The following SYN3 variants were observed in gnomAD, a reference collection of about 807,000 sequenced individuals.
The protein encoded by SYN3 is synapsin III, also known as synapsin-3.
Under a neutral mutation model 65.8 loss-of-function variants are expected in SYN3, and 35 were observed. The ratio of observed to expected loss-of-function variants is 0.53; its 90% CI spans 0.41 to 0.70. The LOEUF (loss-of-function observed/expected upper bound fraction) is 0.70. SYN3 is among the 30% of genes least tolerant of loss of function. The pLI is 0.00. For missense variants in SYN3, 680 were observed against 749.0 expected (o/e 0.91, Z 1.08); for synonymous variants, 270 against 292.9 (o/e 0.92, Z 0.80).
intron 1 of SYN3, among the ~76,000 whole-genome samples, chr22:33,052,585 A>G (rs1403916397): frequency 6.8e-6 from 1 of 146,068 alleles, no homozygotes; most frequent in Non-Finnish European, 1.5e-5. Context: ...AAGAGGAACA[A>G]AAAAAAAAAA....
intron 6 of SYN3, among the ~76,000 whole-genome samples, chr22:32,730,354 T>A (rs778423232): frequency 4.6e-5 from 7 of 152,252 alleles, no homozygotes; most frequent in Non-Finnish European, 1.0e-4. Context: ...AGCAGCCACC[T>A]GGGTAAGCTC....
intron 6 of SYN3, among the ~76,000 whole-genome samples, chr22:32,769,795 G>A (rs187082742): frequency 1.3e-5 from 2 of 152,200 alleles, no homozygotes; most frequent in Non-Finnish European, 2.9e-5. Context: ...GGGATTACAG[G>A]CATGAGCAAC....
At chr22:32,781,183 C>A (rs2046054415) in intron 6 of SYN3, among the ~76,000 whole-genome samples, 1 of 151,776 alleles carries the variant, frequency 6.6e-6, no homozygotes, top group Non-Finnish European at 1.5e-5. Flanking sequence ...CTGCAAGGCT[C>A]AATAGCTCGT....
chr22:32,788,003 C>A (rs1043358004), intron 6 of SYN3, among the ~76,000 whole-genome samples: 4 of 152,132 alleles, frequency 2.6e-5, no homozygotes, highest in African/African-American at 9.7e-5. Context: ...ACATGGACAG[C>A]CACAGCAGGG....
chr22:32,571,744 C>T (rs2058761831), intron 7 of SYN3, among the ~76,000 whole-genome samples: 1 of 152,172 alleles, frequency 6.6e-6, no homozygotes, highest in Non-Finnish European at 1.5e-5. Flanking sequence ...AGAACAGCAA[C>T]TGCAGGGGAC....
chr22:32,936,799 C>T (rs1300711323), intron 3 of SYN3, among the ~76,000 whole-genome samples: 1 of 152,156 alleles, frequency 6.6e-6, no homozygotes. Flanking sequence ...GCTTTCTCAG[C>T]TTTAAAACTA....
intron 6 of SYN3, among the ~76,000 whole-genome samples, chr22:32,616,631 C>T (rs60744960): frequency 0.3 from 45,593 of 150,544 alleles, 7,907 homozygotes; most frequent in African/African-American, 0.48. Context: ...GGGACCAGAT[C>T]GCCTCTCTGG....
intron 4 of SYN3, 115 bp downstream of exon 4, chr22:32,931,275 A>G (rs1265463391): frequency 1.4e-6 from 1 of 703,162 alleles, no homozygotes; most frequent in Non-Finnish European, 2.6e-6. Flanking sequence ...CATTCTGTAC[A>G]GGAAAGTACA....
At chr22:32,673,987 G>T (rs2060406969) in intron 6 of SYN3, among the ~76,000 whole-genome samples, 1 of 152,120 alleles carries the variant, frequency 6.6e-6, no homozygotes. Context: ...CTCTGTGGGA[G>T]TTGGACTCAA....
chr22:32,662,737 T>C (rs1032990470), intron 6 of SYN3, among the ~76,000 whole-genome samples: 1 of 152,258 alleles, frequency 6.6e-6, no homozygotes, highest in Non-Finnish European at 1.5e-5. Context: ...ATTTTTATTA[T>C]GTACCTCAGC....
intron 9 of SYN3, among the ~76,000 whole-genome samples, chr22:32,535,111 C>T (rs2058141636): frequency 6.6e-6 from 1 of 152,126 alleles, no homozygotes; most frequent in African/African-American, 2.4e-5. Flanking sequence ...GATGGAGGAA[C>T]AGGCTCAGAG....
intron 1 of SYN3, among the ~76,000 whole-genome samples, chr22:33,049,141 T>C (rs2054118510): frequency 6.6e-6 from 1 of 152,210 alleles, no homozygotes; most frequent in Non-Finnish European, 1.5e-5. Context: ...TACAATGGGT[T>C]TAGAGCCTAA....
chr22:33,005,356 T>C (rs139195638), intron 2 of SYN3, among the ~76,000 whole-genome samples: 126 of 152,316 alleles, frequency 8.3e-4, no homozygotes, highest in Middle Eastern at 3.4e-3. Context: ...TCCATCTCCA[T>C]AGTTGGGCTC....
rs114426650 is a variant in SYN3 at position 32,745,457 on chromosome 22, G to A, written c.711+119458C>T. Among the ~76,000 whole-genome samples the A allele has an allele frequency of 7.9e-3, 1,203 of 152,326 alleles. 17 individuals carry two copies. The highest frequency in any genetic ancestry group is 0.028 in the African/African-American group (1,162 of 41,574). ...AATGCCTCCTGTTTGTCTCTTCTCT[G>A]GTAATCCTCTTTCCTTTCTTGTCCA... On this transcript the variant is annotated intron_variant, in intron 6 of 13. Coordinates refer to ENST00000358763, the MANE Select transcript of SYN3 (RefSeq NM_003490.4).
chr22:32,814,227 GA>G lies in SYN3; in HGVS notation c.711+50687del, dbSNP rs1246463192. 1.5e-3 allele frequency among the ~76,000 whole-genome samples: 188 copies of G among 123,078 alleles called. 2 individuals are homozygous for G. The highest frequency in any genetic ancestry group is 9.6e-3 in the East Asian group (40 of 4,156). 80.7% of individuals were successfully genotyped at this position (123,078 alleles called of 152,430 possible). ...AAAGAAAACAAAGAAAGGAAAGAAA[GA>G]AAAAAAAAGAAAGAAAGAAGGAAAG... On this transcript the variant is annotated intron_variant, in intron 6 of 13. Coordinates refer to ENST00000358763, the MANE Select transcript of SYN3 (RefSeq NM_003490.4).
At chr22:32,520,486 A>T (rs2057861194) in intron 12 of SYN3, among the ~76,000 whole-genome samples, 3 of 152,170 alleles carry the variant, frequency 2.0e-5, no homozygotes, top group Admixed American at 2.0e-4. Context: ...CTTGCTTAAG[A>T]TGTCACTACG....
chr22:32,626,843 A>G (rs1456700316), intron 6 of SYN3, among the ~76,000 whole-genome samples: 2 of 152,154 alleles, frequency 1.3e-5, no homozygotes, highest in African/African-American at 4.8e-5. Context: ...TGTAGTAGGT[A>G]TTTGGTGAAT....
In SYN3 at chr22:32,656,768, G is replaced by C. The variant is rs1318675736; in HGVS notation, c.712-60032C>G. 2.0e-5 allele frequency among the ~76,000 whole-genome samples: 3 copies of C among 152,142 alleles called. No homozygotes were observed. In the East Asian group the frequency reaches 5.8e-4, roughly 29 times the overall value. On this transcript the variant is annotated intron_variant, in intron 6 of 13. Coordinates refer to ENST00000358763, the MANE Select transcript of SYN3 (RefSeq NM_003490.4). ...TAGAGCAGCTACCTCTTCTATTCAG[G>C]CTGAGCAAGAGGCTGAATGCCCGTA...
At position 32,511,582 on chromosome 22, in the gene SYN3, C is replaced by T. The variant is rs763863346; in HGVS notation, c.*2110G>A. 1.3e-5 allele frequency among the ~76,000 whole-genome samples: 2 copies of T among 152,186 alleles called. No homozygotes were observed. The highest frequency in any genetic ancestry group is 2.4e-5 in the African/African-American group (1 of 41,438). On this transcript the variant is annotated 3_prime_UTR_variant, in exon 14 of 14. Coordinates refer to ENST00000358763, the MANE Select transcript of SYN3 (RefSeq NM_003490.4). Reference sequence around the variant, plus strand: ...ACTGTCCTATAACATGGAACTCAGCCGAGCATGGAGACAGAGTAAGGGTGG... The same window carrying T: ...ACTGTCCTATAACATGGAACTCAGCTGAGCATGGAGACAGAGTAAGGGTGG...
Sources: allele counts gnomAD v4.1 joint callset (sites outside exome capture counted in the v4.1 genomes callset), GRCh38; gene constraint gnomAD v4.1.1; transcripts MANE v1.5; gene names NCBI Gene and HGNC (gene_info 2026-07-23, HGNC 2026-07-21).